Variants in MYH10 observed in about 807,000 individuals in gnomAD.
The protein encoded by MYH10 is myosin-10.
In MYH10, 55 loss-of-function variants were observed where a neutral mutation model predicts 257.8. The observed-to-expected ratio is 0.21, with a 90% CI of 0.17 to 0.27. The LOEUF is 0.27. Ranked by LOEUF, MYH10 falls within the 10% of genes least tolerant of loss-of-function variation. The pLI, the probability that MYH10 is intolerant of heterozygous loss-of-function variation, is 1.00. For synonymous variants in MYH10, 854 were observed against 921.7 expected (o/e 0.93, Z 1.33); for missense variants, 1,631 against 2,500.6 (o/e 0.65, Z 7.42).
At chr17:8,624,247 GGCTAA>G (rs1487885202) in intron 1 of MYH10, among the ~76,000 whole-genome samples, 2 of 152,158 alleles carry the variant, frequency 1.3e-5, no homozygotes, top group African/African-American at 4.8e-5. Flanking sequence ...ATCACTTTGT[GGCTAA>G]GCTATGTCCC....
chr17:8,492,748 A>T (rs1915980289), intron 33 of MYH10, 28 bp downstream of exon 33: 1 of 1,608,066 alleles, frequency 6.2e-7, no homozygotes, highest in African/African-American at 1.3e-5. Context: ...GAGCTCTGCC[A>T]GGAGGAAACG....
intron 17 of MYH10, among the ~76,000 whole-genome samples, chr17:8,526,355 C>T (rs2081846639): frequency 6.6e-6 from 1 of 152,190 alleles, no homozygotes. Context: ...ACTGGAAGAC[C>T]TAATATTGCT....
chr17:8,530,522 A>ACCCCCCCCCCCCCCCCCC, intron 17 of MYH10, 101 bp downstream of exon 17: 1 of 238,538 alleles, frequency 4.2e-6, no homozygotes. Flanking sequence ...CCCCCAGTCT[A>ACCCCCCCCCCCCCCCCCC]CCCCCGCCCT....
At chr17:8,488,849 G>A (rs1915306887) in intron 35 of MYH10, among the ~76,000 whole-genome samples, 1 of 152,156 alleles carries the variant, frequency 6.6e-6, no homozygotes, top group Non-Finnish European at 1.5e-5. Flanking sequence ...CAGGATAGCA[G>A]AAGGCTCCTA....
At chr17:8,607,600 T>C (rs113227189) in intron 2 of MYH10, among the ~76,000 whole-genome samples, 2 of 152,322 alleles carry the variant, frequency 1.3e-5, no homozygotes, top group African/African-American at 4.8e-5. Context: ...TTGTATAAAC[T>C]GATCACTGAA....
At chr17:8,489,624 A>C (rs1224160752) in intron 35 of MYH10, among the ~76,000 whole-genome samples, 1 of 151,696 alleles carries the variant, frequency 6.6e-6, no homozygotes, top group African/African-American at 2.4e-5. Context: ...GAATCACTTC[A>C]ATCTGGGAGG....
chr17:8,619,321 C>T (rs931701793), intron 2 of MYH10, among the ~76,000 whole-genome samples: 1 of 152,084 alleles, frequency 6.6e-6, no homozygotes, highest in African/African-American at 2.4e-5. Flanking sequence ...TACTAGTACA[C>T]TGCCTTTATT....
intron 7 of MYH10, among the ~76,000 whole-genome samples, chr17:8,559,471 T>C (rs1355184063): frequency 6.6e-6 from 1 of 152,162 alleles, no homozygotes; most frequent in Non-Finnish European, 1.5e-5. Context: ...TTCTAGGCAA[T>C]CCCATTATTC....
At chr17:8,589,257 C>T in intron 3 of MYH10, 149 bp from the exon 4 acceptor site, 2 of 703,410 alleles carry the variant, frequency 2.8e-6, no homozygotes, top group East Asian at 5.4e-5. Flanking sequence ...CCCCATTATA[C>T]AGTCCTAAAT....
At chr17:8,603,946 G>C (rs1290802685) in intron 3 of MYH10, among the ~76,000 whole-genome samples, 1 of 152,118 alleles carries the variant, frequency 6.6e-6, no homozygotes, top group Non-Finnish European at 1.5e-5. Context: ...ACAAAAACTA[G>C]AAGTAGGACG....
intron 2 of MYH10, among the ~76,000 whole-genome samples, chr17:8,605,254 C>T (rs1186929098): frequency 1.3e-5 from 2 of 152,230 alleles, no homozygotes; most frequent in African/African-American, 2.4e-5. Context: ...TTCCTGACTT[C>T]ACGTGGCTAT....
At chr17:8,592,218 T>A (rs2084174460) in intron 3 of MYH10, among the ~76,000 whole-genome samples, 1 of 152,116 alleles carries the variant, frequency 6.6e-6, no homozygotes, top group Non-Finnish European at 1.5e-5. Context: ...AGAAAGTTTT[T>A]AAATCAATGA....
intron 5 of MYH10, 30 bp downstream of exon 5, chr17:8,577,206 G>A: frequency 6.6e-7 from 1 of 1,515,226 alleles, no homozygotes; most frequent in East Asian, 2.3e-5. Context: ...AGAAGAAGAA[G>A]ATTTAAAAAA....
intron 14 of MYH10, among the ~76,000 whole-genome samples, chr17:8,537,692 T>C (rs974564012): frequency 6.6e-6 from 1 of 152,240 alleles, no homozygotes; most frequent in Non-Finnish European, 1.5e-5. Flanking sequence ...TTAACCACTT[T>C]TAATGAGAAT....
At chr17:8,580,150 T>G (rs1020947326) in intron 4 of MYH10, among the ~76,000 whole-genome samples, 5 of 152,124 alleles carry the variant, frequency 3.3e-5, no homozygotes, top group Non-Finnish European at 5.9e-5. Context: ...TATCTTTTTC[T>G]TATTCCCCAT....
In MYH10 at chr17:8,581,465, C is replaced by T. The variant is rs115304246; in HGVS notation, c.531-4127G>A. Reference sequence around the variant, plus strand: ...GCTAACCGCCTCAATGGACATGCTTCAACGTGTCCTTAAAGCATTTTTTCC... The same window carrying T: ...GCTAACCGCCTCAATGGACATGCTTTAACGTGTCCTTAAAGCATTTTTTCC... On this transcript the variant is annotated intron_variant, in intron 4 of 42. Transcript: ENST00000360416. Among the ~76,000 whole-genome samples the T allele has an allele frequency of 9.5e-3, 1,451 of 152,208 alleles. 25 individuals are homozygous for T. The highest frequency in any genetic ancestry group is 0.033 in the African/African-American group (1,373 of 41,512).
At chr17:8,514,303 GAT>G (rs1393820481) in intron 21 of MYH10, among the ~76,000 whole-genome samples, 1 of 152,134 alleles carries the variant, frequency 6.6e-6, no homozygotes, top group Non-Finnish European at 1.5e-5. Context: ...TTTTCCTTTT[GAT>G]ATGTCACAGA....
At chr17:8,536,292 G>A (rs979944950) in intron 14 of MYH10, among the ~76,000 whole-genome samples, 14 of 152,116 alleles carry the variant, frequency 9.2e-5, no homozygotes, top group Admixed American at 6.5e-4. Flanking sequence ...TCAGTGACTG[G>A]CTGGAGAAAT....
rs755537939 is a variant in MYH10 at position 8,499,504 on chromosome 17, C to T, written c.3745-28G>A. 5 of 1,608,740 alleles carry T rather than the reference C, an allele frequency of 3.1e-6. No homozygotes were observed. In the Admixed American group the frequency reaches 6.7e-5, roughly 21 times the overall value. ...AGGAGACGGAAGGGAAAACATAATT[C>T]ACTAGTTATTTTCTAAAACTCCATA... On this transcript the variant is annotated intron_variant, in intron 29 of 42. Transcript: ENST00000360416.
Sources: gnomAD v4.1 joint callset for allele counts (sites outside exome capture counted in the v4.1 genomes callset) on GRCh38, gnomAD v4.1.1 for gene constraint, MANE v1.5 for transcripts, NCBI Gene and HGNC (gene_info 2026-07-23, HGNC 2026-07-21) for gene names.